Variants in CAST observed in about 807,000 individuals in gnomAD.
CAST encodes calpastatin, also known as MIR583 host.
Under a neutral mutation model 119.6 loss-of-function variants are expected in CAST, and 76 were observed. The observed-to-expected ratio is 0.64, with a 90% CI of 0.53 to 0.77. The LOEUF (loss-of-function observed/expected upper bound fraction) is 0.77, where lower values mean the gene tolerates loss of function less well. Among genes scored for constraint, CAST ranks in the 30% least tolerant of loss-of-function variants. The probability of loss-of-function intolerance (pLI) is 0.00; values close to 1 mark genes in which losing one functional copy is unlikely to be tolerated. For missense variants in CAST, 953 were observed against 946.5 expected (o/e 1.01, Z -0.09); for synonymous variants, 319 against 331.6 (o/e 0.96, Z 0.41).
the CAST span, among the ~76,000 whole-genome samples, chr5:96,295,496 A>G: frequency 1.3e-5 from 2 of 152,340 alleles, no homozygotes; most frequent in South Asian, 4.1e-4. Flanking sequence ...AGACGAGACA[A>G]ACGATATTTG....
chr5:96,743,034 G>A (rs577947657), intron 16 of CAST, among the ~76,000 whole-genome samples: 14 of 152,314 alleles, frequency 9.2e-5, no homozygotes, highest in African/African-American at 3.1e-4. Flanking sequence ...AGGAGGCAAT[G>A]CCTGGTGGGA....
At chr5:96,534,753 GAAAGAA>G (rs1349650103) in intron 1 of CAST, among the ~76,000 whole-genome samples, 1,185 of 44,496 alleles carry the variant, frequency 0.027, 59 homozygotes, top group Non-Finnish European at 0.038. Flanking sequence ...AAGAAAGAAA[GAAAGAA>G]AGAAAGAAAG....
intron 1 of CAST, among the ~76,000 whole-genome samples, chr5:96,590,181 A>G (rs567987779): frequency 6.6e-6 from 1 of 152,254 alleles, no homozygotes; most frequent in Non-Finnish European, 1.5e-5. Flanking sequence ...AATGCAGTCC[A>G]TGAACCACAC....
intron 1 of CAST, among the ~76,000 whole-genome samples, chr5:96,530,591 G>T (rs1489418290): frequency 1.3e-5 from 2 of 152,104 alleles, no homozygotes; most frequent in Non-Finnish European, 2.9e-5. Context: ...AAAGAGTACA[G>T]AGAAGAAACT....
chr5:96,726,682 G>C (rs1581143843), intron 4 of CAST, 112 bp from the exon 5 acceptor site: 1 of 695,198 alleles, frequency 1.4e-6, no homozygotes, highest in East Asian at 2.7e-5. Flanking sequence ...GCATCGAGTA[G>C]ATGCAATAGA....
chr5:96,568,625 AGGGAGTTT>A, intron 1 of CAST, among the ~76,000 whole-genome samples: 1 of 148,572 alleles, frequency 6.7e-6, no homozygotes, highest in Non-Finnish European at 1.5e-5. Flanking sequence ...TTTAATACTG[AGGGAGTTT>A]AAGAATATTC....
the CAST span, among the ~76,000 whole-genome samples, chr5:96,005,064 A>G: frequency 2.0e-5 from 3 of 152,232 alleles, no homozygotes; most frequent in Admixed American, 2.0e-4. Context: ...AGAATTCTAT[A>G]CTTAGCCAAA....
the CAST span, among the ~76,000 whole-genome samples, chr5:96,295,223 G>A: frequency 3.6e-4 from 55 of 152,118 alleles, no homozygotes; most frequent in Admixed American, 1.8e-3. Context: ...CTTTTGAATC[G>A]AATGCCCCCC....
chr5:95,984,157 G>A, the CAST span, among the ~76,000 whole-genome samples: 1 of 152,080 alleles, frequency 6.6e-6, no homozygotes, highest in South Asian at 2.1e-4. Context: ...AGAATTATTT[G>A]TTGAATTTAT....
chr5:96,634,911 A>G (rs1056056883), intron 1 of CAST, among the ~76,000 whole-genome samples: 5 of 152,250 alleles, frequency 3.3e-5, no homozygotes, highest in Non-Finnish European at 5.9e-5. Flanking sequence ...AGATTTCTTA[A>G]AGAACTCACA....
the CAST span, among the ~76,000 whole-genome samples, chr5:95,986,603 C>T: frequency 6.6e-6 from 1 of 152,142 alleles, no homozygotes; most frequent in East Asian, 1.9e-4. Context: ...TCTCTTCTTA[C>T]TTAATCACTT....
the CAST span, among the ~76,000 whole-genome samples, chr5:96,144,917 G>A: frequency 6.6e-6 from 1 of 152,088 alleles, no homozygotes. Flanking sequence ...ACTTTGCTGG[G>A]TTCTGGAGAT....
chr5:96,207,133 AT>A, the CAST span, among the ~76,000 whole-genome samples: 2 of 152,014 alleles, frequency 1.3e-5, no homozygotes, highest in Non-Finnish European at 2.9e-5. Flanking sequence ...AATGCTACTG[AT>A]TTTTGCACAT....
chr5:96,685,589 A>G (rs152017), intron 2 of CAST, among the ~76,000 whole-genome samples: 7,578 of 152,324 alleles, frequency 0.05, 425 homozygotes, highest in East Asian at 0.29. Flanking sequence ...ATTTTCAAGT[A>G]TCATTATTAC....
chr5:95,978,369 T>C, the CAST span, among the ~76,000 whole-genome samples: 3 of 152,268 alleles, frequency 2.0e-5, no homozygotes, highest in South Asian at 4.1e-4. Context: ...TATCTCATTA[T>C]GGTTTTGATT....
At chr5:96,566,313 G>T (rs1340839961) in intron 1 of CAST, among the ~76,000 whole-genome samples, 1 of 152,194 alleles carries the variant, frequency 6.6e-6, no homozygotes, top group African/African-American at 2.4e-5. Context: ...TGATTCCATT[G>T]TTCCTTTAAT....
chr5:96,068,692 CAT>C, the CAST span, among the ~76,000 whole-genome samples: 2 of 149,576 alleles, frequency 1.3e-5, no homozygotes, highest in Non-Finnish European at 3.0e-5. Flanking sequence ...TATAATTAAA[CAT>C]ATATGTATAT....
At chr5:95,993,666 G>A in the CAST span, among the ~76,000 whole-genome samples, 6 of 152,094 alleles carry the variant, frequency 3.9e-5, 1 homozygote, top group East Asian at 1.2e-3. Flanking sequence ...ATTTTATTTT[G>A]TGAAAGGTAC....
At chr5:96,364,366 T>A in the CAST span, among the ~76,000 whole-genome samples, 2 of 152,216 alleles carry the variant, frequency 1.3e-5, no homozygotes, top group African/African-American at 4.8e-5. Flanking sequence ...TAGGGAGGAT[T>A]CCCTCTTTTT....
Sources: allele counts gnomAD v4.1 joint callset (sites outside exome capture counted in the v4.1 genomes callset), GRCh38; gene constraint gnomAD v4.1.1; transcripts MANE v1.5; gene names NCBI Gene and HGNC (gene_info 2026-07-23, HGNC 2026-07-21).